Variants in SHISA9 observed in about 807,000 individuals in gnomAD.
SHISA9 encodes the protein shisa family member 9, also known as protein shisa-9.
A neutral mutation model predicts 38.0 loss-of-function variants in SHISA9; 13 were observed. The ratio of observed to expected loss-of-function variants is 0.34; its 90% CI spans 0.22 to 0.54. The LOEUF (loss-of-function observed/expected upper bound fraction) is 0.54. Among genes scored for constraint, SHISA9 ranks in the 20% least tolerant of loss-of-function variants. The pLI, the probability that SHISA9 is intolerant of heterozygous loss-of-function variation, is 0.91. For missense variants in SHISA9, 538 were observed against 575.8 expected (o/e 0.93, Z 0.67); for synonymous variants, 275 against 242.0 (o/e 1.14, Z -1.27).
chr16:13,115,187 C>G (rs2074019730), intron 2 of SHISA9, among the ~76,000 whole-genome samples: 1 of 152,162 alleles, frequency 6.6e-6, no homozygotes, highest in Admixed American at 6.5e-5. Context: ...TTTAACAACC[C>G]ATATTGCTGA....
At chr16:12,941,357 A>C (rs2141758001) in intron 2 of SHISA9, among the ~76,000 whole-genome samples, 1 of 150,272 alleles carries the variant, frequency 6.7e-6, no homozygotes, top group East Asian at 1.9e-4. Flanking sequence ...TCTAAAAAAA[A>C]TAATTTAATT....
At chr16:13,486,047 A>C in the SHISA9 span, among the ~76,000 whole-genome samples, 1 of 152,188 alleles carries the variant, frequency 6.6e-6, no homozygotes, top group South Asian at 2.1e-4. Context: ...TCTCCACGTC[A>C]TCCAGAGGGT....
the SHISA9 span, among the ~76,000 whole-genome samples, chr16:13,372,813 G>C: frequency 6.6e-6 from 1 of 152,114 alleles, no homozygotes; most frequent in South Asian, 2.1e-4. Context: ...TCTTACTCCA[G>C]AGTAGTGTTT....
At chr16:13,081,933 G>T (rs563055046) in intron 2 of SHISA9, among the ~76,000 whole-genome samples, 3 of 152,094 alleles carry the variant, frequency 2.0e-5, no homozygotes, top group African/African-American at 4.8e-5. Context: ...TGGTGGTGGT[G>T]TGGCACAATT....
the SHISA9 span, among the ~76,000 whole-genome samples, chr16:13,546,257 T>G: frequency 6.6e-6 from 1 of 152,238 alleles, no homozygotes; most frequent in Non-Finnish European, 1.5e-5. Flanking sequence ...AAGATTATTG[T>G]TCTCCCTGCT....
At chr16:13,371,095 C>A in the SHISA9 span, among the ~76,000 whole-genome samples, 1 of 152,152 alleles carries the variant, frequency 6.6e-6, no homozygotes, top group Admixed American at 6.5e-5. Flanking sequence ...TACAATCCTA[C>A]GTGGTAGATT....
chr16:13,433,034 AACAT>A, the SHISA9 span, among the ~76,000 whole-genome samples: 1 of 152,136 alleles, frequency 6.6e-6, no homozygotes, highest in East Asian at 1.9e-4. Context: ...TTAGCTAAGT[AACAT>A]ACCTGCACTT....
At chr16:13,098,965 T>C (rs2073853231) in intron 2 of SHISA9, among the ~76,000 whole-genome samples, 1 of 152,246 alleles carries the variant, frequency 6.6e-6, no homozygotes, top group Admixed American at 6.5e-5. Flanking sequence ...AAGGATTGTA[T>C]ACAGGTGGGG....
intron 2 of SHISA9, among the ~76,000 whole-genome samples, chr16:13,146,835 C>G (rs957114443): frequency 2.6e-5 from 4 of 152,194 alleles, no homozygotes; most frequent in African/African-American, 9.7e-5. Flanking sequence ...CCAAATTCTT[C>G]TTCCCTCCAG....
chr16:13,093,024 T>G (rs1465803029), intron 2 of SHISA9, among the ~76,000 whole-genome samples: 1 of 152,188 alleles, frequency 6.6e-6, no homozygotes, highest in Non-Finnish European at 1.5e-5. Flanking sequence ...ACCTAACACT[T>G]TTTGACACCA....
the SHISA9 span, among the ~76,000 whole-genome samples, chr16:13,393,714 C>G: frequency 6.6e-6 from 1 of 152,098 alleles, no homozygotes; most frequent in Non-Finnish European, 1.5e-5. Flanking sequence ...AGCTCTGGGA[C>G]TCTGATGACC....
At chr16:13,358,962 T>C in the SHISA9 span, among the ~76,000 whole-genome samples, 2 of 152,192 alleles carry the variant, frequency 1.3e-5, no homozygotes, top group Admixed American at 6.5e-5. Context: ...AGATTACTGA[T>C]GGAATTTTTG....
At chr16:13,344,001 G>A in the SHISA9 span, among the ~76,000 whole-genome samples, 2 of 152,106 alleles carry the variant, frequency 1.3e-5, no homozygotes, top group Non-Finnish European at 2.9e-5. Context: ...TTAGCAAATG[G>A]GTCCAGAGCA....
the SHISA9 span, among the ~76,000 whole-genome samples, chr16:13,326,332 G>A: frequency 5.3e-5 from 8 of 152,272 alleles, no homozygotes; most frequent in East Asian, 1.4e-3. Flanking sequence ...AAGTTGACAC[G>A]TAAAAGTAAC....
the SHISA9 span, among the ~76,000 whole-genome samples, chr16:13,336,099 G>T: frequency 2.0e-5 from 3 of 152,114 alleles, no homozygotes; most frequent in African/African-American, 7.2e-5. Flanking sequence ...CAGAAGTCCC[G>T]TGGTTTCCCG....
chr16:13,163,632 T>C (rs2050613378), intron 2 of SHISA9, among the ~76,000 whole-genome samples: 2 of 152,110 alleles, frequency 1.3e-5, no homozygotes, highest in African/African-American at 2.4e-5. Context: ...CATGACATAT[T>C]TCTACATTTA....
At chr16:13,306,610 G>A in the SHISA9 span, among the ~76,000 whole-genome samples, 1 of 152,208 alleles carries the variant, frequency 6.6e-6, no homozygotes, top group Non-Finnish European at 1.5e-5. Flanking sequence ...ACTGGGGCTG[G>A]AGGATCCACT....
intron 2 of SHISA9, among the ~76,000 whole-genome samples, chr16:12,975,710 T>C (rs1375208773): frequency 6.8e-6 from 1 of 147,826 alleles, no homozygotes; most frequent in Non-Finnish European, 1.5e-5. Flanking sequence ...CAGGAATTGG[T>C]GAATTTAAGA....
the SHISA9 span, among the ~76,000 whole-genome samples, chr16:13,510,693 T>C: frequency 1.6e-4 from 25 of 152,236 alleles, no homozygotes; most frequent in African/African-American, 6.0e-4. Flanking sequence ...TGCTAACTAG[T>C]AGCCATTATT....
Sources: gnomAD v4.1 joint callset for allele counts (sites outside exome capture counted in the v4.1 genomes callset) on GRCh38, gnomAD v4.1.1 for gene constraint, MANE v1.5 for transcripts, NCBI Gene and HGNC (gene_info 2026-07-23, HGNC 2026-07-21) for gene names.